NMT2: variants seen among roughly 807,000 people sequenced by gnomAD.
NMT2 encodes N-myristoyltransferase 2.
NMT2 carries 35 observed loss-of-function variants against 65.4 expected under a neutral mutation model. That is an observed-to-expected ratio of 0.54 (90% CI 0.41 to 0.71). The LOEUF is 0.71. NMT2 is among the 30% of genes least tolerant of loss of function. The probability of loss-of-function intolerance (pLI) is 0.00; values close to 1 mark genes in which losing one functional copy is unlikely to be tolerated. For missense variants in NMT2, 489 were observed against 611.3 expected (o/e 0.80, Z 2.11); for synonymous variants, 226 against 231.8 (o/e 0.98, Z 0.23).
rs537648927 is a variant in NMT2, at chr10:15,107,236, C to T, written c.*1959G>A. The T allele has an allele frequency of 1.6e-3, 1,115 of 704,476 alleles. 2 individuals carry two copies. The highest frequency in any genetic ancestry group is 2.9e-3 in the Middle Eastern group (4 of 1,360). 43.6% of individuals were successfully genotyped at this position (704,476 alleles called of 1,614,324 possible). ...CATTTTTTGGCTTTTTCTCCTCAAC[C>T]ATTCCAGAAAATAAAAACATTCTTA... On this transcript the variant is annotated 3_prime_UTR_variant, in exon 12 of 12. Coordinates refer to ENST00000378165, the MANE Select transcript of NMT2 (RefSeq NM_004808.3).
intron 1 of NMT2, among the ~76,000 whole-genome samples, chr10:15,142,027 G>C (rs1004349832): frequency 2.6e-5 from 4 of 152,144 alleles, no homozygotes; most frequent in African/African-American, 9.7e-5. Context: ...TTTTACTAGG[G>C]GGGCTAACAA....
intron 1 of NMT2, among the ~76,000 whole-genome samples, chr10:15,146,992 C>T (rs2131591774): frequency 6.7e-6 from 1 of 148,814 alleles, no homozygotes; most frequent in South Asian, 2.2e-4. Flanking sequence ...ACCTGGGAGG[C>T]TGGGGTGGGA....
intron 1 of NMT2, among the ~76,000 whole-genome samples, chr10:15,166,773 G>A (rs1833391146): frequency 6.6e-6 from 1 of 152,176 alleles, no homozygotes; most frequent in African/African-American, 2.4e-5. Flanking sequence ...TCCGAAGGCA[G>A]CACAGATGCC....
At chr10:15,137,546 C>T (rs949547996) in intron 2 of NMT2, among the ~76,000 whole-genome samples, 1 of 152,062 alleles carries the variant, frequency 6.6e-6, no homozygotes, top group East Asian at 1.9e-4. Context: ...ACTCCAACAA[C>T]ACCATCTATT....
Position 15,128,390 on chromosome 10 carries a change from A to G in NMT2, c.959T>C (p.Met320Thr), listed in dbSNP as rs780756888. 2.5e-6 allele frequency: 4 copies of G among 1,610,266 alleles called. No individual in the cohort carries two copies. In the African/African-American group the frequency reaches 5.3e-5, roughly 22 times the overall value. Residue 320 changes from methionine to threonine, a missense_variant, in exon 8 of 12, where the codon ATG becomes ACG. Met to Thr is a moderately conservative substitution (Grantham distance 81). Transcript: ENST00000378165. ...EVKFSHLSRNMTLQRTMKLYR... is the reference protein window; with the variant it reads ...EVKFSHLSRNTTLQRTMKLYR... ...TAGCTTCATTGTTCTCTGTAAAGTC[A>G]TATTTCTACTCAAGTGAGAAAATTT...
rs1473031604 is a variant in NMT2, at chr10:15,108,078, C to T, written c.*1117G>A. 4 of 985,528 alleles carry T rather than the reference C, an allele frequency of 4.1e-6. No individual in the cohort carries two copies. The African/African-American group carries it at 5.2e-5, about 13-fold the overall frequency. 61.0% of individuals were successfully genotyped at this position (985,528 alleles called of 1,614,324 possible). A position where few individuals can be genotyped will look rare whatever the true frequency, so the allele number is the denominator to read the frequency against. The stretch of plus-strand genomic sequence containing the variant: ...AAGTTCCACCAGGCATCTCTTTTGA[C>T]TTTACAGTTTTTTATTTCCTTTTCT... On this transcript the variant is annotated 3_prime_UTR_variant, in exon 12 of 12. Coordinates refer to ENST00000378165, the MANE Select transcript of NMT2 (RefSeq NM_004808.3).
At chr10:15,139,573 G>A (rs1304712160) in intron 2 of NMT2, among the ~76,000 whole-genome samples, 1 of 151,984 alleles carries the variant, frequency 6.6e-6, no homozygotes, top group Non-Finnish European at 1.5e-5. Flanking sequence ...GCAAGCTTAT[G>A]GTGGTATCCT....
At chr10:15,159,313 T>G (rs1160965154) in intron 1 of NMT2, among the ~76,000 whole-genome samples, 1 of 152,196 alleles carries the variant, frequency 6.6e-6, no homozygotes, top group Non-Finnish European at 1.5e-5. Flanking sequence ...TACTTGACTT[T>G]CTATAATGTT....
rs1323396489 is a variant in NMT2 at position 15,108,767 on chromosome 10, T to G, written c.*428A>C. ...AAAAAATTTCCAAATGGATCTTTTG[T>G]TCTGTTACATGGACAAATGTACCAT... is the stretch of plus-strand genomic sequence containing the variant. On this transcript the variant is annotated 3_prime_UTR_variant, in exon 12 of 12. Coordinates refer to ENST00000378165, the MANE Select transcript of NMT2 (RefSeq NM_004808.3). 1 of 1,020,232 alleles carries G rather than the reference T, an allele frequency of 9.8e-7. No homozygotes were observed. The highest frequency in any genetic ancestry group is 1.7e-5 in the African/African-American group (1 of 57,442). 63.2% of individuals were successfully genotyped at this position (1,020,232 alleles called of 1,614,324 possible). A position where few individuals can be genotyped will look rare whatever the true frequency, so the allele number is the denominator to read the frequency against.
chr10:15,153,373 T>C (rs11259520), intron 1 of NMT2, among the ~76,000 whole-genome samples: 1 of 152,238 alleles, frequency 6.6e-6, no homozygotes, highest in African/African-American at 2.4e-5. Context: ...CCATTTGTGT[T>C]GAAGGCCTGC....
chr10:15,108,688 A>C lies in NMT2; in HGVS notation c.*507T>G. 1.0e-6 allele frequency: 1 copy of C among 993,946 alleles called. No homozygotes were observed. The highest frequency in any genetic ancestry group is 6.1e-5 in the Admixed American group (1 of 16,340). The allele number at this position is 993,946 out of a possible 1,614,324, so 61.6% of individuals were successfully genotyped here. A position where few individuals can be genotyped will look rare whatever the true frequency, so the allele number is the denominator to read the frequency against. The stretch of plus-strand genomic sequence containing the variant: ...ACCACCACCTGTCACTGAGCTACAG[A>C]AGTGTTGATTCCATAAATGTTCCCA... On this transcript the variant is annotated 3_prime_UTR_variant, in exon 12 of 12. Coordinates refer to ENST00000378165, the MANE Select transcript of NMT2 (RefSeq NM_004808.3).
chr10:15,129,023 A>G (rs534864315), intron 7 of NMT2, among the ~76,000 whole-genome samples: 1 of 152,290 alleles, frequency 6.6e-6, no homozygotes, highest in African/African-American at 2.4e-5. Context: ...CACAAAAAAG[A>G]AATATTAATC....
In NMT2 at chr10:15,107,364, CAT is replaced by C. The variant is rs1311511302; in HGVS notation, c.*1829_*1830del. 1 of 985,322 alleles carries C rather than the reference CAT, an allele frequency of 1.0e-6. No homozygotes were observed. Among genetic ancestry groups the C allele is most frequent in the Non-Finnish European group, 1.2e-6 (1 of 829,940 alleles). 61.0% of individuals were successfully genotyped at this position (985,322 alleles called of 1,614,324 possible). A position where few individuals can be genotyped will look rare whatever the true frequency, so the allele number is the denominator to read the frequency against. On this transcript the variant is annotated 3_prime_UTR_variant, in exon 12 of 12. Coordinates refer to ENST00000378165, the MANE Select transcript of NMT2 (RefSeq NM_004808.3). ...AAGATATGATTGGTTTCACTGGACT[CAT>C]AACTTGAAGGAAATGCCATCATGTC...
chr10:15,142,493 C>T (rs796249520), intron 1 of NMT2, among the ~76,000 whole-genome samples: 41 of 152,262 alleles, frequency 2.7e-4, no homozygotes, highest in African/African-American at 8.4e-4. Context: ...GCCTGGGAGA[C>T]GGAGGTTGCA....
chr10:15,161,972 G>A (rs979831126), intron 1 of NMT2, among the ~76,000 whole-genome samples: 3 of 152,134 alleles, frequency 2.0e-5, no homozygotes, highest in Non-Finnish European at 4.4e-5. Flanking sequence ...TGTACAGATC[G>A]CCGGGCACGG....
chr10:15,133,488 G>A, intron 3 of NMT2, 125 bp from the exon 4 acceptor site: 1 of 699,832 alleles, frequency 1.4e-6, no homozygotes, highest in Non-Finnish European at 2.5e-6. Flanking sequence ...TCGGGTTTCA[G>A]ATAATCTTTA....
intron 8 of NMT2, among the ~76,000 whole-genome samples, chr10:15,126,285 T>A (rs949236702): frequency 6.6e-6 from 1 of 151,812 alleles, no homozygotes; most frequent in Non-Finnish European, 1.5e-5. Context: ...AAAAATTAGC[T>A]GGGCGTGGTG....
Position 15,109,191 on chromosome 10 carries a change from C to T in NMT2, c.*4G>A, listed in dbSNP as rs1281691995. 6.2e-7 allele frequency: 1 copy of T among 1,600,006 alleles called. No individual in the cohort carries two copies. The highest frequency in any genetic ancestry group is 1.1e-5 in the South Asian group (1 of 88,456). ...GTCAGAGTTCTAGAAATAAAAATAT[C>T]CATCTATTGTAGTACTAGTCCAACC... is the stretch of plus-strand genomic sequence containing the variant. On this transcript the variant is annotated 3_prime_UTR_variant, in exon 12 of 12. Coordinates refer to ENST00000378165, the MANE Select transcript of NMT2 (RefSeq NM_004808.3).
chr10:15,107,758 G>T lies in NMT2; in HGVS notation c.*1437C>A. 1 of 982,088 alleles carries T rather than the reference G, an allele frequency of 1.0e-6. No homozygotes were observed. Among genetic ancestry groups the T allele is most frequent in the Non-Finnish European group, 1.2e-6 (1 of 829,706 alleles). 60.8% of individuals were successfully genotyped at this position (982,088 alleles called of 1,614,324 possible). On this transcript the variant is annotated 3_prime_UTR_variant, in exon 12 of 12. Transcript: ENST00000378165. ...GCGTGAGCCACCACACCCAGCCAAG[G>T]CATCTACTTTGTGGTATCTGAGTTG...
Sources: gnomAD v4.1 joint callset for allele counts (sites outside exome capture counted in the v4.1 genomes callset) on GRCh38, gnomAD v4.1.1 for gene constraint, MANE v1.5 for transcripts, NCBI Gene and HGNC (gene_info 2026-07-23, HGNC 2026-07-21) for gene names.